LDLRAP1: variants seen among roughly 807,000 people sequenced by gnomAD.
LDLRAP1 encodes the protein low density lipoprotein receptor adaptor protein 1.
A neutral mutation model predicts 37.8 loss-of-function variants in LDLRAP1; 30 were observed. That is an observed-to-expected ratio of 0.79 (90% CI 0.59 to 1.08). The LOEUF (loss-of-function observed/expected upper bound fraction) is 1.08, where lower values mean the gene tolerates loss of function less well. Ranked by LOEUF, LDLRAP1 falls within the 50% of genes least tolerant of loss-of-function variation. The pLI, the probability that LDLRAP1 is intolerant of heterozygous loss-of-function variation, is 0.00. For missense variants in LDLRAP1, 375 were observed against 401.6 expected (o/e 0.93, Z 0.57); for synonymous variants, 156 against 169.8 (o/e 0.92, Z 0.63).
chr1:25,559,809 G>A (rs758713484), intron 4 of LDLRAP1, among the ~76,000 whole-genome samples: 3 of 152,214 alleles, frequency 2.0e-5, no homozygotes, highest in South Asian at 2.1e-4. Flanking sequence ...GAATAGCTGC[G>A]TCAGCCTCCG....
chr1:25,583,355 A>G, the LDLRAP1 span, among the ~76,000 whole-genome samples: 3 of 151,608 alleles, frequency 2.0e-5, no homozygotes, highest in African/African-American at 7.3e-5. Context: ...ATGCCTGGCT[A>G]ATTTTTTATA....
At chr1:25,560,347 G>GTTGGGTCATGATGT (rs1239103855) in intron 4 of LDLRAP1, among the ~76,000 whole-genome samples, 27 of 152,132 alleles carry the variant, frequency 1.8e-4, no homozygotes, top group Admixed American at 3.9e-4. Flanking sequence ...GAGGTTGGGG[G>GTTGGGTCATGATGT]AGAAAGGCTC....
chr1:25,571,987 A>C (rs1265386054), downstream of LDLRAP1, among the ~76,000 whole-genome samples: 1 of 152,154 alleles, frequency 6.6e-6, no homozygotes, highest in Non-Finnish European at 1.5e-5. Flanking sequence ...CCCGGGCATG[A>C]GCTGGGCTTG....
At chr1:25,575,355 G>A in the LDLRAP1 span, among the ~76,000 whole-genome samples, 17 of 150,236 alleles carry the variant, frequency 1.1e-4, no homozygotes. Flanking sequence ...GAAGGCTGAG[G>A]CAGGTGAATC....
chr1:25,557,234 G>A lies in LDLRAP1; in HGVS notation c.426G>A (p.Glu142=), dbSNP rs1207166902. The change falls in exon 4 of 9, where the codon GAG becomes GAA. Residue 142 remains glutamate (E), a synonymous_variant. Coordinates refer to ENST00000374338, the MANE Select transcript of LDLRAP1 (RefSeq NM_015627.3). ...AGAGCCAGCACAACCAGAGCCTCGA[G>A]TGCCACGCCTTCCTCTGCACCAAGC... ...IAQSQHNQSL[E]CHAFLCTKRK... 7.4e-6 allele frequency: 12 copies of A among 1,614,056 alleles called. No homozygotes were observed. The highest frequency in any genetic ancestry group is 1.0e-5 in the Non-Finnish European group (12 of 1,180,016).
chr1:25,548,335 CTTTTTTTTTTTTTTT>C lies in LDLRAP1; in HGVS notation c.88+4565_88+4579del, dbSNP rs144789866. 1.2e-4 allele frequency among the ~76,000 whole-genome samples: 10 copies of C among 82,316 alleles called. No individual in the cohort carries two copies. In the East Asian group the frequency reaches 1.4e-3, roughly 11 times the overall value. The allele number at this position is 82,316 out of a possible 152,430, so 54.0% of individuals were successfully genotyped here. ...CAAGACAACCCCATGGATGGATACT[CTTTTTTTTTTTTTTT>C]TTTTTTTTTTTTTTTAAGAGGGAGT... is the stretch of plus-strand genomic sequence containing the variant. On this transcript the variant is annotated intron_variant, in intron 1 of 8. Transcript: ENST00000374338.
the LDLRAP1 span, among the ~76,000 whole-genome samples, chr1:25,586,434 G>A: frequency 2.0e-5 from 3 of 152,248 alleles, no homozygotes; most frequent in Admixed American, 6.5e-5. This position sits in a 1 kb window ranked among gnomAD's most constrained non-coding sequence, Gnocchi z 4.3. Flanking sequence ...GTCCATCAGG[G>A]CCACAGCATT....
intron 4 of LDLRAP1, 74 bp from the exon 5 acceptor site, chr1:25,562,570 C>G: frequency 1.5e-6 from 2 of 1,297,020 alleles, no homozygotes; most frequent in South Asian, 2.4e-5. Flanking sequence ...CCTGGAGGCC[C>G]CAGCCCTCCA....
intron 4 of LDLRAP1, among the ~76,000 whole-genome samples, chr1:25,558,052 A>G (rs2044251625): frequency 6.6e-6 from 1 of 152,006 alleles, no homozygotes. Context: ...ACCACATCTT[A>G]GCTGGGATGA....
intron 4 of LDLRAP1, among the ~76,000 whole-genome samples, chr1:25,561,436 A>T (rs1274894997): frequency 2.0e-5 from 3 of 152,198 alleles, no homozygotes; most frequent in Non-Finnish European, 1.5e-5. Context: ...TATTTTTTTA[A>T]AAGGAGTTTT....
chr1:25,563,818 G>A lies in LDLRAP1; in HGVS notation c.747+27G>A, dbSNP rs373225679. 25 of 1,612,952 alleles carry A rather than the reference G, an allele frequency of 1.5e-5. No individual in the cohort carries two copies. In the East Asian group the frequency reaches 2.2e-4, roughly 14 times the overall value. ...TGAGTGGTTGTGTGGCCAGCAGATC[G>A]GTGATCCTCAGCCTGACCTCTGGGT... On this transcript the variant is annotated intron_variant, in intron 7 of 8. Coordinates refer to ENST00000374338, the MANE Select transcript of LDLRAP1 (RefSeq NM_015627.3).
chr1:25,557,539 A>T, intron 4 of LDLRAP1: 1 of 523,370 alleles, frequency 1.9e-6, no homozygotes. Flanking sequence ...CTGTAACGGG[A>T]TTTGCTGGGT....
At chr1:25,587,539 A>G in the LDLRAP1 span, among the ~76,000 whole-genome samples, 1 of 152,166 alleles carries the variant, frequency 6.6e-6, no homozygotes, top group Non-Finnish European at 1.5e-5. Context: ...ATTTCCGAAC[A>G]ACAAACCAAC....
Position 25,553,992 on chromosome 1 carries a change from G to C in LDLRAP1, c.159G>C (p.Leu53=). ...GGATGCTGTTCAGCCTCAAGTACCT[G>C]GGCATGACGCTAGTGGAGCAGCCCA... ...LEGMLFSLKY[L]GMTLVEQPKG... The change falls in exon 2 of 9, where the codon CTG becomes CTC. Residue 53 remains leucine, a synonymous_variant. Transcript: ENST00000374338. 6.2e-7 allele frequency: 1 copy of C among 1,614,102 alleles called. No individual in the cohort carries two copies.
At chr1:25,564,974 C>T (rs544099040) in intron 7 of LDLRAP1, 199 bp from the exon 8 acceptor site, 105 of 619,838 alleles carry the variant, frequency 1.7e-4, no homozygotes, top group African/African-American at 1.5e-3. Context: ...TCCTCTCCCA[C>T]GTCTCCAGCT....
chr1:25,550,698 C>G (rs989554729), intron 1 of LDLRAP1, among the ~76,000 whole-genome samples: 5 of 152,058 alleles, frequency 3.3e-5, no homozygotes, highest in Non-Finnish European at 7.3e-5. Context: ...TGCACAGGTC[C>G]CATCCCTGTC....
chr1:25,569,596 G>A (rs898816948), downstream of LDLRAP1, among the ~76,000 whole-genome samples: 9 of 152,116 alleles, frequency 5.9e-5, no homozygotes, highest in Admixed American at 2.6e-4. Flanking sequence ...TCACATTGTT[G>A]GTAGAACACT....
In LDLRAP1 at chr1:25,544,547, C is replaced by T. The variant is rs947182336; in HGVS notation, c.88+761C>T. On this transcript the variant is annotated intron_variant, in intron 1 of 8. Coordinates refer to ENST00000374338, the MANE Select transcript of LDLRAP1 (RefSeq NM_015627.3). This position sits in a 1 kb window ranked among gnomAD's most constrained non-coding sequence, Gnocchi z 4.8. Reference sequence around the variant, plus strand: ...TGGGTGCCCAGGCAAACGACAGACTCGCCGCCACCTCTCCCTGGGGCGTCT... The same window carrying T: ...TGGGTGCCCAGGCAAACGACAGACTTGCCGCCACCTCTCCCTGGGGCGTCT... Among the ~76,000 whole-genome samples the T allele has an allele frequency of 3.3e-5, 5 of 152,332 alleles. No homozygotes were observed. Among genetic ancestry groups the T allele is most frequent in the East Asian group, 1.9e-4 (1 of 5,176 alleles).
the LDLRAP1 span, among the ~76,000 whole-genome samples, chr1:25,579,236 C>T: frequency 1.3e-5 from 2 of 152,190 alleles, no homozygotes; most frequent in Non-Finnish European, 2.9e-5. Flanking sequence ...TCGATGAGGC[C>T]AGCCCTGAGA....
Sources: gnomAD v4.1 joint callset for allele counts (sites outside exome capture counted in the v4.1 genomes callset) on GRCh38, gnomAD v4.1.1 for gene constraint, Gnocchi (gnomAD v3.1) non-coding constraint, MANE v1.5 for transcripts, NCBI Gene and HGNC (gene_info 2026-07-23, HGNC 2026-07-21) for gene names.